The following TGM3 variants were observed in gnomAD, a reference collection of about 807,000 sequenced individuals.
TGM3 encodes transglutaminase 3.
A neutral mutation model predicts 73.8 loss-of-function variants in TGM3; 52 were observed. The ratio of observed to expected loss-of-function variants is 0.70; its 90% CI spans 0.56 to 0.89. The LOEUF is 0.89. TGM3 is among the 40% of genes least tolerant of loss of function. TGM3 has a pLI of 0.00. For missense variants in TGM3, 928 were observed against 909.9 expected (o/e 1.02, Z -0.26); for synonymous variants, 372 against 354.9 (o/e 1.05, Z -0.54).
chr20:2,319,208 T>C (rs2084250804), intron 7 of TGM3, among the ~76,000 whole-genome samples: 1 of 152,188 alleles, frequency 6.6e-6, no homozygotes, highest in Non-Finnish European at 1.5e-5. Flanking sequence ...TTTAGTTTCT[T>C]CTACAAAAGG....
At chr20:2,320,610 G>A (rs1345083260) in intron 7 of TGM3, among the ~76,000 whole-genome samples, 1 of 152,070 alleles carries the variant, frequency 6.6e-6, no homozygotes, top group Non-Finnish European at 1.5e-5. Context: ...CAGCCAGTGG[G>A]GTAAATTTTT....
Position 2,317,174 on chromosome 20 carries a change from A to T in TGM3, c.776A>T (p.Asn259Ile), listed in dbSNP as rs2084238855. Reference protein sequence around the residue: ...SWNGSVEILKNWKKSGFSPVR... With the variant: ...SWNGSVEILKIWKKSGFSPVR... Reference sequence around the variant, plus strand: ...AACGGCAGCGTGGAGATCCTCAAAAATTGGAAAAAATCTGGCTTCAGCCCA... The same window carrying T: ...AACGGCAGCGTGGAGATCCTCAAAATTTGGAAAAAATCTGGCTTCAGCCCA... Residue 259 changes from asparagine to isoleucine, a missense_variant, in exon 6 of 13, where the codon AAT becomes ATT. Transcript: ENST00000381458. 1.2e-6 allele frequency: 2 copies of T among 1,613,980 alleles called. No homozygotes were observed. The highest frequency in any genetic ancestry group is 2.2e-5 in the East Asian group (1 of 44,892).
chr20:2,328,262 GA>G lies in TGM3; in HGVS notation c.1232del (p.Lys411ArgfsTer4). 1 of 1,614,182 alleles carries G rather than the reference GA, an allele frequency of 6.2e-7. No individual in the cohort carries two copies. Among genetic ancestry groups the G allele is most frequent in the South Asian group, 1.1e-5 (1 of 91,082 alleles). On this transcript the variant is annotated frameshift_variant, in exon 9 of 13. Transcript: ENST00000381458. LOFTEE classifies it high-confidence loss of function. This position sits in a 1 kb window ranked among gnomAD's most constrained non-coding sequence, Gnocchi z 5.2. ...LYDNTTGKQWKNSVNSHTIGR... is the reference protein window; with the variant it reads ...LYDNTTGKQWXNSVNSHTIGR... ...ACGACAACACCACTGGCAAACAGTG[GA>G]AGAATTCCGTGAACAGTCACACCAT...
rs531622667 is a variant in TGM3 at position 2,339,937 on chromosome 20, C to T, written c.1884C>T (p.Cys628=). Residue 628 remains cysteine (C), a synonymous_variant, in exon 12 of 13, where the codon TGC becomes TGT. Transcript: ENST00000381458. ...CACTGGATGAGCCGGTGAGGGACTG[C>T]GTGCTGATGGTGGAGGGAAGCGGCC... ...SNPLDEPVRD[C]VLMVEGSGLL... 123 of 1,530,606 alleles carry T rather than the reference C, an allele frequency of 8.0e-5. 4 individuals are homozygous for T. In the South Asian group the frequency reaches 1.0e-3, roughly 13 times the overall value. The allele number at this position is 1,530,606 out of a possible 1,614,324, so 94.8% of individuals were successfully genotyped here.
At chr20:2,306,479 T>A (rs1484655429) in intron 1 of TGM3, among the ~76,000 whole-genome samples, 1 of 150,202 alleles carries the variant, frequency 6.7e-6, no homozygotes, top group Non-Finnish European at 1.5e-5. Flanking sequence ...TTTCTTTTTT[T>A]TTTTTTTTTC....
intron 1 of TGM3, among the ~76,000 whole-genome samples, 198 bp downstream of exon 1, chr20:2,296,268 G>A (rs892379285): frequency 9.9e-5 from 15 of 152,230 alleles, no homozygotes; most frequent in African/African-American, 3.4e-4. Flanking sequence ...TATTCTTGGG[G>A]TAGAACATCA....
chr20:2,328,138 C>T lies in TGM3; in HGVS notation c.1106C>T (p.Pro369Leu), dbSNP rs773831703. 1.9e-6 allele frequency: 3 copies of T among 1,614,134 alleles called. No homozygotes were observed. Among genetic ancestry groups the T allele is most frequent in the Non-Finnish European group, 2.5e-6 (3 of 1,180,036 alleles). ...ERSQGVFQCG[P>L]ASVIGVREGD... is the part of the protein sequence containing the mutation. Reference sequence around the variant, plus strand: ...CCTCCAGGGGTGTTCCAGTGCGGCCCCGCTTCGGTCATTGGTGTTCGAGAG... The same window carrying T: ...CCTCCAGGGGTGTTCCAGTGCGGCCTCGCTTCGGTCATTGGTGTTCGAGAG... Residue 369 changes from proline to leucine, a missense_variant, in exon 9 of 13, where the codon CCC (proline) becomes CTC (leucine). Physicochemically the swap from Pro to Leu is moderately conservative, Grantham distance 98. Coordinates refer to ENST00000381458, the MANE Select transcript of TGM3 (RefSeq NM_003245.4). This position sits in a 1 kb window ranked among gnomAD's most constrained non-coding sequence, Gnocchi z 5.2.
rs192478640 is a variant in TGM3 at position 2,312,887 on chromosome 20, G to A, written c.541-11G>A. 4.0e-5 allele frequency: 64 copies of A among 1,613,974 alleles called. No homozygotes were observed. The East Asian group carries it at 1.1e-3, about 28-fold the overall frequency. On this transcript the variant is annotated splice_polypyrimidine_tract_variant and intron_variant, in intron 4 of 12. Coordinates refer to ENST00000381458, the MANE Select transcript of TGM3 (RefSeq NM_003245.4). ...TTCTTTAATTGTAATGTATGGTCTC[G>A]TTCTGAACAGTTTGAAGAAGACATT... is the stretch of plus-strand genomic sequence containing the variant.
At chr20:2,330,687 C>T (rs1364871233) in intron 9 of TGM3, among the ~76,000 whole-genome samples, 1 of 152,150 alleles carries the variant, frequency 6.6e-6, no homozygotes, top group Non-Finnish European at 1.5e-5. Context: ...TGGGAAGGGG[C>T]TTGCTGTATC....
intron 11 of TGM3, among the ~76,000 whole-genome samples, chr20:2,337,576 C>T (rs1293763962): frequency 2.0e-5 from 3 of 151,958 alleles, no homozygotes; most frequent in Non-Finnish European, 4.4e-5. Context: ...AAAAATTAGC[C>T]AGGCATGGTG....
At position 2,302,861 on chromosome 20, in the gene TGM3, T is replaced by C. The variant is rs140905048; in HGVS notation, c.7+6791T>C. On this transcript the variant is annotated intron_variant, in intron 1 of 12. Coordinates refer to ENST00000381458, the MANE Select transcript of TGM3 (RefSeq NM_003245.4). ...GCATCGACAAAACATGGAATATTCATATAATAGACTCTCATTCAGCCATAA... is the reference window on the plus strand; with the variant it reads ...GCATCGACAAAACATGGAATATTCACATAATAGACTCTCATTCAGCCATAA... Among the ~76,000 whole-genome samples the C allele has an allele frequency of 2.6e-5, 4 of 152,284 alleles. No homozygotes were observed. The East Asian group carries it at 5.8e-4, about 22-fold the overall frequency.
rs2122238247 is a variant in TGM3, at chr20:2,326,102, C to T, written c.1087+150C>T. ...ATAGTTTAAAAATAGATCTCCCCTGCTAATTTTGCTTGGCTCGGGCTGCTG... is the reference window on the plus strand; with the variant it reads ...ATAGTTTAAAAATAGATCTCCCCTGTTAATTTTGCTTGGCTCGGGCTGCTG... On this transcript the variant is annotated intron_variant, in intron 8 of 12. Coordinates refer to ENST00000381458, the MANE Select transcript of TGM3 (RefSeq NM_003245.4). 1.3e-5 allele frequency: 10 copies of T among 791,228 alleles called. 1 individual carries two copies. The South Asian group carries it at 1.8e-4, about 14-fold the overall frequency. 49.0% of individuals were successfully genotyped at this position (791,228 alleles called of 1,614,324 possible).
chr20:2,311,655 C>G (rs2084204062), intron 4 of TGM3, among the ~76,000 whole-genome samples: 1 of 152,132 alleles, frequency 6.6e-6, no homozygotes, highest in Non-Finnish European at 1.5e-5. Flanking sequence ...GTTTATCCAC[C>G]AGACAAAGGC....
chr20:2,340,077 C>T, intron 12 of TGM3, 90 bp downstream of exon 12: 1 of 1,474,428 alleles, frequency 6.8e-7, no homozygotes, highest in Non-Finnish European at 9.2e-7. Flanking sequence ...ACAGAGCTCC[C>T]TCTGACCTTG....
At chr20:2,331,952 C>T (rs1224722477) in intron 9 of TGM3, 50 bp from the exon 10 acceptor site, 1 of 1,557,656 alleles carries the variant, frequency 6.4e-7, no homozygotes, top group Non-Finnish European at 8.7e-7. Flanking sequence ...GTCCTTTGCC[C>T]AGGTTGCCAT....
In TGM3 at chr20:2,334,218, G is replaced by A. The variant is rs2084335693; in HGVS notation, c.1643-898G>A. ...GGGGAACCATGTGAGTCAAAATATGGGGGCGAAAAGGTGCCTGTTTTGTCT... is the reference window on the plus strand; with the variant it reads ...GGGGAACCATGTGAGTCAAAATATGAGGGCGAAAAGGTGCCTGTTTTGTCT... On this transcript the variant is annotated intron_variant, in intron 10 of 12. Coordinates refer to ENST00000381458, the MANE Select transcript of TGM3 (RefSeq NM_003245.4). The surrounding 1 kb of genome is among the most constrained non-coding windows in gnomAD (Gnocchi z 4.0). Among the ~76,000 whole-genome samples the A allele has an allele frequency of 6.6e-6, 1 of 152,172 alleles. No individual in the cohort carries two copies. The highest frequency in any genetic ancestry group is 2.4e-5 in the African/African-American group (1 of 41,440).
intron 7 of TGM3, among the ~76,000 whole-genome samples, chr20:2,324,730 G>A (rs1325228935): frequency 6.6e-6 from 1 of 152,146 alleles, no homozygotes; most frequent in African/African-American, 2.4e-5. Context: ...GAAAGCTGTG[G>A]GCTGCCTGTC....
intron 5 of TGM3, among the ~76,000 whole-genome samples, 159 bp from the exon 6 acceptor site, chr20:2,316,909 A>G (rs572927626): frequency 7.9e-5 from 12 of 152,338 alleles, no homozygotes; most frequent in African/African-American, 2.2e-4. Flanking sequence ...AAGTGTTACA[A>G]TGATCATCCC....
Position 2,328,253 on chromosome 20 carries a change from CAAACAGTGGAAG to C in TGM3, c.1224_1235del (p.Lys408_Lys411del), listed in dbSNP as rs777325583. 1.2e-6 allele frequency: 2 copies of C among 1,614,042 alleles called. No individual in the cohort carries two copies. The highest frequency in any genetic ancestry group is 1.7e-6 in the Non-Finnish European group (2 of 1,180,040). On this transcript the variant is annotated inframe_deletion, in exon 9 of 13. Coordinates refer to ENST00000381458, the MANE Select transcript of TGM3 (RefSeq NM_003245.4). The surrounding 1 kb of genome is among the most constrained non-coding windows in gnomAD (Gnocchi z 5.2). ...CCTGGCTGTACGACAACACCACTGG[CAAACAGTGGAAG>C]AATTCCGTGAACAGTCACACCATTG...
Sources: allele counts gnomAD v4.1 joint callset (sites outside exome capture counted in the v4.1 genomes callset), GRCh38; gene constraint gnomAD v4.1.1; non-coding constraint Gnocchi (gnomAD v3.1); transcripts MANE v1.5; gene names NCBI Gene and HGNC (gene_info 2026-07-23, HGNC 2026-07-21).